Variants in EMC8 observed in about 807,000 individuals in gnomAD.
The protein encoded by EMC8 is ER membrane protein complex subunit 8, also known as COX4 neighbor.
A neutral mutation model predicts 24.3 loss-of-function variants in EMC8; 11 were observed. That is an observed-to-expected ratio of 0.45 (90% CI 0.28 to 0.75). EMC8 has a LOEUF of 0.75. EMC8 is among the 30% of genes least tolerant of loss of function. The pLI is 0.12. For synonymous variants in EMC8, 145 were observed against 117.7 expected (o/e 1.23, Z -1.50); for missense variants, 277 against 282.7 (o/e 0.98, Z 0.14).
At chr16:85,791,725 C>T (rs1905020616) in intron 1 of EMC8, among the ~76,000 whole-genome samples, 1 of 152,184 alleles carries the variant, frequency 6.6e-6, no homozygotes, top group Admixed American at 6.5e-5. Flanking sequence ...TAGAGGCTGC[C>T]CGCATTCCTT....
At chr16:85,792,823 C>G (rs898949916) in intron 1 of EMC8, 3 of 152,296 alleles carry the variant, frequency 2.0e-5, no homozygotes, top group Non-Finnish European at 4.4e-5. Flanking sequence ...CACTCAACCT[C>G]TGTTCCCAAT....
At chr16:85,781,049 T>A (rs1263820026) in intron 3 of EMC8, 162 bp downstream of exon 3, 1 of 604,186 alleles carries the variant, frequency 1.7e-6, no homozygotes, top group African/African-American at 1.8e-5. Context: ...TGGCCTGGGA[T>A]TCAACTGGTC....
chr16:85,787,942 C>T (rs903349336), intron 2 of EMC8, among the ~76,000 whole-genome samples: 2 of 152,152 alleles, frequency 1.3e-5, no homozygotes, highest in African/African-American at 4.8e-5. Flanking sequence ...GTATTATTTC[C>T]AAAGTGCTTG....
At chr16:85,795,113 G>C (rs1031689023) in intron 1 of EMC8, among the ~76,000 whole-genome samples, 1 of 152,150 alleles carries the variant, frequency 6.6e-6, no homozygotes, top group East Asian at 1.9e-4. Context: ...ACTCTGTCAA[G>C]TACTGCATTC....
At position 85,779,529 on chromosome 16, in the gene EMC8, A is replaced by G; in HGVS notation, c.*179T>C. On this transcript the variant is annotated 3_prime_UTR_variant, in exon 5 of 5. Coordinates refer to ENST00000253457, the MANE Select transcript of EMC8 (RefSeq NM_006067.5). ...CAGACGGGATGTCTGCACCTCTTCT[A>G]GAGACTCTGTGTTAAAAACACGACC... The G allele has an allele frequency of 1.7e-6, 1 of 592,494 alleles. No homozygotes were observed. The highest frequency in any genetic ancestry group is 2.9e-5 in the Admixed American group (1 of 34,628). 36.7% of individuals were successfully genotyped at this position (592,494 alleles called of 1,614,324 possible). A position where few individuals can be genotyped will look rare whatever the true frequency, so the allele number is the denominator to read the frequency against.
chr16:85,786,576 G>A (rs1305877095), intron 2 of EMC8, among the ~76,000 whole-genome samples: 3 of 152,140 alleles, frequency 2.0e-5, no homozygotes, highest in African/African-American at 7.2e-5. Flanking sequence ...AGGGGGAGGT[G>A]GATTCCCTAT....
At chr16:85,786,562 G>C (rs139175717) in intron 2 of EMC8, among the ~76,000 whole-genome samples, 13 of 152,288 alleles carry the variant, frequency 8.5e-5, no homozygotes, top group African/African-American at 2.4e-4. Flanking sequence ...GGGCACAGCG[G>C]GGGAGGGGGA....
At chr16:85,784,953 T>G (rs1305378491) in intron 2 of EMC8, 1 of 152,190 alleles carries the variant, frequency 6.6e-6, no homozygotes, top group Admixed American at 6.5e-5. Flanking sequence ...TGTCTTTCTA[T>G]TCACTGATTT....
rs541299898 is a variant in EMC8, at chr16:85,788,887, C to T, written c.308+87G>A. Reference sequence around the variant, plus strand: ...GAAGGGGTGTAGGTCTCACAGGTTTCGTATCTGGCCGAAAAGCACACGAGA... The same window carrying T: ...GAAGGGGTGTAGGTCTCACAGGTTTTGTATCTGGCCGAAAAGCACACGAGA... On this transcript the variant is annotated intron_variant, in intron 2 of 4. Transcript: ENST00000253457. 2.7e-4 allele frequency: 247 copies of T among 921,986 alleles called. 5 individuals carry two copies. The South Asian group carries it at 3.0e-3, about 11-fold the overall frequency. 57.1% of individuals were successfully genotyped at this position (921,986 alleles called of 1,614,324 possible).
rs372127131 is a variant in EMC8, at chr16:85,783,033, C to G, written c.309-1753G>C. On this transcript the variant is annotated intron_variant, in intron 2 of 4. Coordinates refer to ENST00000253457, the MANE Select transcript of EMC8 (RefSeq NM_006067.5). ...AGACAGGGTCGGCTGGGTGCAGTGGCTCACGCCTGTAATCCCTGCACTTTC... is the reference window on the plus strand; with the variant it reads ...AGACAGGGTCGGCTGGGTGCAGTGGGTCACGCCTGTAATCCCTGCACTTTC... 2.0e-5 allele frequency among the ~76,000 whole-genome samples: 3 copies of G among 152,218 alleles called. No individual in the cohort carries two copies. In the South Asian group the frequency reaches 6.2e-4, roughly 32 times the overall value.
rs1318034426 is a variant in EMC8 at position 85,799,216 on chromosome 16, T to C, written c.80A>G (p.Asn27Ser). 9.3e-6 allele frequency: 15 copies of C among 1,613,454 alleles called. No homozygotes were observed. Among genetic ancestry groups the C allele is most frequent in the Admixed American group, 5.0e-5 (3 of 60,018 alleles). The stretch of plus-strand genomic sequence containing the variant: ...CTGCTTCTCGGCCACCAGGAGCCCG[T>C]TGACGGCGCAGTGCGGGTACTTGGC... The part of the protein sequence containing the change: ...HGAKYPHCAV[N>S]GLLVAEKQKP... Residue 27 changes from asparagine (N) to serine (S), a missense_variant, in exon 1 of 5, where the codon AAC becomes AGC. Transcript: ENST00000253457. The surrounding 1 kb of genome is among the most constrained non-coding windows in gnomAD (Gnocchi z 4.2).
chr16:85,791,949 T>A (rs975075057), intron 1 of EMC8, among the ~76,000 whole-genome samples: 2 of 152,292 alleles, frequency 1.3e-5, no homozygotes. Context: ...GTGGACATAT[T>A]TGGGGGGTTA....
chr16:85,793,327 A>G (rs1206616617), intron 1 of EMC8, among the ~76,000 whole-genome samples: 1 of 152,206 alleles, frequency 6.6e-6, no homozygotes, highest in Non-Finnish European at 1.5e-5. Context: ...TCTGCAGCAA[A>G]AAGTAGGCCT....
intron 3 of EMC8, 32 bp downstream of exon 3, chr16:85,781,179 G>T (rs774897172): frequency 1.9e-6 from 3 of 1,555,872 alleles, no homozygotes; most frequent in African/African-American, 1.4e-5. Flanking sequence ...GAGGCGCAAG[G>T]GCCTCCCACA....
At chr16:85,795,509 C>T (rs1229618471) in intron 1 of EMC8, among the ~76,000 whole-genome samples, 1 of 151,418 alleles carries the variant, frequency 6.6e-6, no homozygotes, top group African/African-American at 2.4e-5. Context: ...TCCTTCCACT[C>T]CACTGTTCCC....
chr16:85,798,879 C>T (rs1905420358), intron 1 of EMC8, 186 bp downstream of exon 1: 4 of 539,244 alleles, frequency 7.4e-6, no homozygotes, highest in Admixed American at 6.4e-5. Flanking sequence ...GCTGCTACTA[C>T]GGGACGCTAT....
At chr16:85,794,850 GT>G (rs1905183009) in intron 1 of EMC8, among the ~76,000 whole-genome samples, 1 of 152,228 alleles carries the variant, frequency 6.6e-6, no homozygotes, top group Non-Finnish European at 1.5e-5. Flanking sequence ...AGTGCAGACT[GT>G]AACTAGGAAT....
chr16:85,789,722 G>T (rs952326427), intron 1 of EMC8, among the ~76,000 whole-genome samples: 5 of 152,014 alleles, frequency 3.3e-5, no homozygotes, highest in Admixed American at 2.0e-4. Context: ...AACCCCAGAG[G>T]GGGAGGTTGC....
intron 1 of EMC8, among the ~76,000 whole-genome samples, chr16:85,789,362 G>A (rs752438223): frequency 6.6e-6 from 1 of 152,190 alleles, no homozygotes; most frequent in Non-Finnish European, 1.5e-5. Flanking sequence ...ATACTATAAA[G>A]AACTGGGGCT....
Sources: allele counts gnomAD v4.1 joint callset (sites outside exome capture counted in the v4.1 genomes callset), GRCh38; gene constraint gnomAD v4.1.1; non-coding constraint Gnocchi (gnomAD v3.1); transcripts MANE v1.5; gene names NCBI Gene and HGNC (gene_info 2026-07-23, HGNC 2026-07-21).